UFL1: variants seen among roughly 807,000 people sequenced by gnomAD.
UFL1 encodes the protein E3 UFM1-protein ligase 1.
UFL1 carries 78 observed loss-of-function variants against 99.3 expected under a neutral mutation model. That is an observed-to-expected ratio of 0.79 (90% CI 0.65 to 0.95). The LOEUF is 0.95. Ranked by LOEUF, UFL1 falls within the 40% of genes least tolerant of loss-of-function variation. The pLI, the probability that UFL1 is intolerant of heterozygous loss-of-function variation, is 0.00. For synonymous variants in UFL1, 335 were observed against 322.2 expected (o/e 1.04, Z -0.42); for missense variants, 936 against 937.0 (o/e 1.00, Z 0.01).
At position 96,554,324 on chromosome 6, in the gene UFL1, C is replaced by T. The variant is rs998247785; in HGVS notation, c.*821C>T. 2.2e-4 allele frequency: 33 copies of T among 152,240 alleles called. No individual in the cohort carries two copies. Among genetic ancestry groups the T allele is most frequent in the African/African-American group, 7.2e-4 (30 of 41,566 alleles). The allele number at this position is 152,240 out of a possible 1,614,324, so 9.4% of individuals were successfully genotyped here. The stretch of plus-strand genomic sequence containing the variant: ...TTATTTTTTTAGTTCAACAGCTGCT[C>T]TGTCACATAATACTTTGTAAATACT... On this transcript the variant is annotated 3_prime_UTR_variant, in exon 19 of 19. Transcript: ENST00000369278.
intron 5 of UFL1, among the ~76,000 whole-genome samples, chr6:96,527,710 A>T (rs1769723312): frequency 6.6e-6 from 1 of 152,186 alleles, no homozygotes; most frequent in Non-Finnish European, 1.5e-5. Flanking sequence ...ATGATTTCTT[A>T]TAAAACTGTT....
intron 13 of UFL1, among the ~76,000 whole-genome samples, chr6:96,548,737 T>C (rs1770034917): frequency 6.6e-6 from 1 of 151,752 alleles, no homozygotes; most frequent in African/African-American, 2.4e-5. Flanking sequence ...TCCTACCTTA[T>C]GAATGGCTAA....
In UFL1 at chr6:96,549,415, T is replaced by G. The variant is rs1254775230; in HGVS notation, c.1524T>G (p.Pro508=). Residue 508 remains proline (P), a synonymous_variant, in exon 14 of 19, where the codon CCT becomes CCG. Coordinates refer to ENST00000369278, the MANE Select transcript of UFL1 (RefSeq NM_015323.5). ...AATATATTTGTCTTATGCACAGACCTCTTAATAAAACTTATCTCGAGGTGG... is the reference window on the plus strand; with the variant it reads ...AATATATTTGTCTTATGCACAGACCGCTTAATAAAACTTATCTCGAGGTGG... ...ISELAEYLIK[P]LNKTYLEVVR... 12 of 1,593,978 alleles carry G rather than the reference T, an allele frequency of 7.5e-6. No individual in the cohort carries two copies. The highest frequency in any genetic ancestry group is 1.0e-5 in the Non-Finnish European group (12 of 1,174,292).
rs1415934338 is a variant in UFL1, at chr6:96,521,851, CGTCTACTGCGA to C, written c.-19_-9del. 6.2e-7 allele frequency: 1 copy of C among 1,606,954 alleles called. No homozygotes were observed. The highest frequency in any genetic ancestry group is 1.1e-5 in the South Asian group (1 of 89,458). On this transcript the variant is annotated 5_prime_UTR_variant, in exon 1 of 19. Coordinates refer to ENST00000369278, the MANE Select transcript of UFL1 (RefSeq NM_015323.5). ...GGCTGACGTGTCTGCAGTTCCTCCG[CGTCTACTGCGA>C]GTCAGGCCGTGATGGCGGACGCCTG...
chr6:96,542,859 T>C, intron 11 of UFL1, 35 bp from the exon 12 acceptor site: 4 of 1,512,088 alleles, frequency 2.6e-6, no homozygotes, highest in Non-Finnish European at 3.5e-6. Context: ...GATGATTTAG[T>C]TAGGTAATGC....
intron 7 of UFL1, 100 bp downstream of exon 7, chr6:96,534,421 G>A: frequency 2.2e-6 from 2 of 917,538 alleles, no homozygotes; most frequent in Non-Finnish European, 3.0e-6. Flanking sequence ...TATTGTTAAT[G>A]TAACTAAAAT....
intron 17 of UFL1, 48 bp downstream of exon 17, chr6:96,551,971 C>T (rs779844753): frequency 2.2e-6 from 3 of 1,366,810 alleles, no homozygotes; most frequent in Non-Finnish European, 3.1e-6. Context: ...AATGTGGAGC[C>T]TTTCATATCT....
At chr6:96,547,420 A>G (rs907629611) in intron 12 of UFL1, among the ~76,000 whole-genome samples, 6 of 151,666 alleles carry the variant, frequency 4.0e-5, no homozygotes, top group African/African-American at 1.2e-4. Flanking sequence ...AGATTTCTCA[A>G]AGAACTAAAA....
rs767988234 is a variant in UFL1, at chr6:96,534,320, C to T, written c.654C>T (p.Tyr218=). 6 of 1,570,310 alleles carry T rather than the reference C, an allele frequency of 3.8e-6. No individual in the cohort carries two copies. In the East Asian group the frequency reaches 1.2e-4, roughly 30 times the overall value. The change falls in exon 7 of 19, where the codon TAC becomes TAT. Residue 218 remains tyrosine (Y), a splice_region_variant and synonymous_variant. Transcript: ENST00000369278. ...SKYGFQEQLL[Y]SVLEELVNSG... ...ATGGATTTCAGGAGCAGCTTCTTTACTGTGAGTTTGGTTTAAATTATATTT... is the reference window on the plus strand; with the variant it reads ...ATGGATTTCAGGAGCAGCTTCTTTATTGTGAGTTTGGTTTAAATTATATTT...
intron 6 of UFL1, among the ~76,000 whole-genome samples, 194 bp from the exon 7 acceptor site, chr6:96,534,069 C>T (rs1233905316): frequency 6.6e-6 from 1 of 151,864 alleles, no homozygotes; most frequent in African/African-American, 2.4e-5. Context: ...TCCTTGATTG[C>T]AAGTACAAAT....
chr6:96,527,898 T>C (rs1422166334), intron 5 of UFL1, among the ~76,000 whole-genome samples: 3 of 152,222 alleles, frequency 2.0e-5, no homozygotes, highest in East Asian at 1.9e-4. Flanking sequence ...TCCAGACTTA[T>C]TTCAGATGTA....
chr6:96,523,314 T>G (rs752670387), intron 2 of UFL1, 23 bp downstream of exon 2: 15 of 1,552,198 alleles, frequency 9.7e-6, no homozygotes, highest in African/African-American at 1.4e-5. Context: ...TTAGTGTTTT[T>G]TTTTTTCTTG....
intron 15 of UFL1, among the ~76,000 whole-genome samples, chr6:96,550,754 A>G (rs1365779795): frequency 6.6e-6 from 1 of 151,974 alleles, no homozygotes; most frequent in Non-Finnish European, 1.5e-5. Context: ...TGCTATGGAA[A>G]ATACAGAATA....
chr6:96,528,408 C>T (rs779934816), intron 5 of UFL1, 94 bp from the exon 6 acceptor site: 17 of 1,412,528 alleles, frequency 1.2e-5, no homozygotes, highest in East Asian at 2.4e-5. Context: ...TGACTGATAC[C>T]TCAGCATGCA....
In UFL1 at chr6:96,528,652, T is replaced by C. The variant is rs1436713583; in HGVS notation, c.596+20T>C. ...TACCCGGTAAGTATATTTTAAAGTA[T>C]ATATATTTGCACATTTCTTTGATCA... On this transcript the variant is annotated intron_variant, in intron 6 of 18. Coordinates refer to ENST00000369278, the MANE Select transcript of UFL1 (RefSeq NM_015323.5). The C allele has an allele frequency of 6.3e-7, 1 of 1,583,230 alleles. No individual in the cohort carries two copies. Among genetic ancestry groups the C allele is most frequent in the Non-Finnish European group, 8.6e-7 (1 of 1,164,894 alleles).
At position 96,552,595 on chromosome 6, in the gene UFL1, G is replaced by T; in HGVS notation, c.2099G>T (p.Ser700Ile). The T allele has an allele frequency of 6.2e-7, 1 of 1,613,068 alleles. No homozygotes were observed. Among genetic ancestry groups the T allele is most frequent in the African/African-American group, 1.3e-5 (1 of 74,872 alleles). ...SVLLFQFSTHSMLHAPGRCVP... is the reference protein window; with the variant it reads ...SVLLFQFSTHIMLHAPGRCVP... ...CTGTTGTTTCAGTTTTCAACCCACA[G>T]CATGCTCCATGCACCTGGAAGATGT... Residue 700 changes from serine (S) to isoleucine (I), a missense_variant, in exon 18 of 19, where the codon AGC (serine) becomes ATC (isoleucine). Physicochemically the swap from Ser to Ile is moderately radical, Grantham distance 142 (BLOSUM62 -2). Transcript: ENST00000369278.
Position 96,553,732 on chromosome 6 carries a change from A to T in UFL1, c.*229A>T, listed in dbSNP as rs1770114972. 2 of 391,580 alleles carry T rather than the reference A, an allele frequency of 5.1e-6. No individual in the cohort carries two copies. The highest frequency in any genetic ancestry group is 9.0e-5 in the South Asian group (1 of 11,078). 24.3% of individuals were successfully genotyped at this position (391,580 alleles called of 1,614,324 possible). On this transcript the variant is annotated 3_prime_UTR_variant, in exon 19 of 19. Transcript: ENST00000369278. ...GTTTTTTTCCACCTGATTTTCACACAAATACTATATGAAATTTTTCACATT... is the reference window on the plus strand; with the variant it reads ...GTTTTTTTCCACCTGATTTTCACACTAATACTATATGAAATTTTTCACATT...
At chr6:96,549,007 T>G (rs1343897182) in intron 13 of UFL1, among the ~76,000 whole-genome samples, 1 of 151,674 alleles carries the variant, frequency 6.6e-6, no homozygotes, top group Non-Finnish European at 1.5e-5. Context: ...ACTAATCATT[T>G]TGCACTGCTT....
rs760613866 is a variant in UFL1 at position 96,553,423 on chromosome 6, C to G, written c.2305C>G (p.Arg769Gly). 3.1e-6 allele frequency: 5 copies of G among 1,613,596 alleles called. No homozygotes were observed. The highest frequency in any genetic ancestry group is 8.5e-7 in the Non-Finnish European group (1 of 1,179,824). The change falls in exon 19 of 19, where the codon CGT becomes GGT. Residue 769 changes from arginine to glycine, a missense_variant. Transcript: ENST00000369278. The stretch of plus-strand genomic sequence containing the variant: ...ACAAGAAGATGTTGCCAGTACTACT[C>G]GTAAAGAGCTTCAAGAACTTTCTTC... ...KEQEDVASTT[R>G]KELQELSSSI...
Sources: gnomAD v4.1 joint callset for allele counts (sites outside exome capture counted in the v4.1 genomes callset) on GRCh38, gnomAD v4.1.1 for gene constraint, MANE v1.5 for transcripts, NCBI Gene and HGNC (gene_info 2026-07-23, HGNC 2026-07-21) for gene names.